Variants in KATNAL2 observed in about 807,000 individuals in gnomAD.
KATNAL2 encodes katanin catalytic subunit A1 like 2, also known as katanin p60 ATPase-containing subunit A-like 2.
A neutral mutation model predicts 76.3 loss-of-function variants in KATNAL2; 52 were observed. That is an observed-to-expected ratio of 0.68 (90% confidence interval 0.55 to 0.86). KATNAL2 has a LOEUF of 0.86. Ranked by LOEUF, KATNAL2 falls within the 40% of genes least tolerant of loss-of-function variation. The pLI is 0.00. For missense variants in KATNAL2, 660 were observed against 668.9 expected (o/e 0.99, Z 0.15); for synonymous variants, 243 against 244.2 (o/e 1.00, Z 0.05).
At chr18:46,932,606 G>A (rs916630598) in intron 1 of KATNAL2, among the ~76,000 whole-genome samples, 4 of 147,754 alleles carry the variant, frequency 2.7e-5, no homozygotes, top group Admixed American at 6.8e-5. Context: ...CCCAGGAGGC[G>A]GAGGTTGCAG....
chr18:46,953,418 G>T (rs116364848), intron 3 of KATNAL2, among the ~76,000 whole-genome samples: 1 of 152,150 alleles, frequency 6.6e-6, no homozygotes, highest in African/African-American at 2.4e-5. Context: ...GGCAGGCGGA[G>T]CGCTTGAGGC....
chr18:47,066,847 T>TTATA (rs56018747), intron 10 of KATNAL2, among the ~76,000 whole-genome samples, 174 bp from the exon 11 acceptor site: 2,117 of 29,230 alleles, frequency 0.072, 146 homozygotes, highest in Non-Finnish European at 0.089. Context: ...ATATATGTGT[T>TTATA]TATATATATA....
intron 4 of KATNAL2, among the ~76,000 whole-genome samples, chr18:47,049,947 G>A (rs1417232365): frequency 3.3e-5 from 5 of 152,142 alleles, no homozygotes; most frequent in Admixed American, 3.3e-4. Context: ...AGACATAGCT[G>A]GCCTTGAACT....
At chr18:47,078,955 A>T (rs944995567) in intron 15 of KATNAL2, among the ~76,000 whole-genome samples, 9 of 152,172 alleles carry the variant, frequency 5.9e-5, no homozygotes, top group Non-Finnish European at 1.5e-5. Flanking sequence ...CATCATTACA[A>T]CGTGCCTTAG....
At chr18:47,034,247 G>A in intron 3 of KATNAL2, 2 of 1,614,040 alleles carry the variant, frequency 1.2e-6, no homozygotes, top group South Asian at 1.1e-5. Context: ...TCGTTGGAAA[G>A]CTGCTCTTTC....
At chr18:47,092,906 A>C (rs1226868728) in intron 15 of KATNAL2, among the ~76,000 whole-genome samples, 2 of 152,172 alleles carry the variant, frequency 1.3e-5, no homozygotes, top group African/African-American at 2.4e-5. Flanking sequence ...CACATGTTGA[A>C]AATGTCTTTA....
intron 13 of KATNAL2, among the ~76,000 whole-genome samples, chr18:47,071,254 G>A (rs2061988097): frequency 1.3e-5 from 2 of 152,022 alleles, no homozygotes; most frequent in African/African-American, 2.4e-5. Context: ...CCCGCCTCGG[G>A]CTCCCAAAAT....
At chr18:47,032,705 C>G in intron 3 of KATNAL2, 1 of 465,954 alleles carries the variant, frequency 2.1e-6, no homozygotes, top group Non-Finnish European at 3.7e-6. Flanking sequence ...CATCTTTTTC[C>G]TTATTTATGA....
chr18:47,075,289 C>A lies in KATNAL2; in HGVS notation c.1021C>A (p.Leu341Ile). 6.4e-7 allele frequency: 1 copy of A among 1,556,880 alleles called. No homozygotes were observed. Among genetic ancestry groups the A allele is most frequent in the Non-Finnish European group, 8.6e-7 (1 of 1,157,562 alleles). ...TTCCCCCACCCAGGTGTTATTTGAG[C>A]TTGCCCGCTACCACGCCCCATCCAC... ...SEKLVRVLFE[L>I]ARYHAPSTIF... The change falls in exon 14 of 18, where the codon CTT becomes ATT. Residue 341 changes from leucine (L) to isoleucine (I), a missense_variant. Coordinates refer to ENST00000683218, the MANE Select transcript of KATNAL2 (RefSeq NM_001387690.1).
chr18:46,925,500 A>T (rs555043782), intron 1 of KATNAL2, among the ~76,000 whole-genome samples: 4 of 152,076 alleles, frequency 2.6e-5, no homozygotes, highest in African/African-American at 9.6e-5. Context: ...TTTATTGAGG[A>T]TTTTTGCATC....
Position 47,100,891 on chromosome 18 carries a change from G to A in KATNAL2, c.1503G>A (p.Gln501=). Residue 501 remains glutamine (Q), a synonymous_variant, in exon 18 of 18, where the codon CAG becomes CAA. Transcript: ENST00000683218. ...AAAGCAGCGACTTACCCAGGATCCA[G>A]TTGGATATAGTAACCACTGCCGACT... ...QSESSDLPRI[Q]LDIVTTADFL... is the part of the protein sequence containing the mutation. The A allele has an allele frequency of 6.2e-7, 1 of 1,614,168 alleles. No individual in the cohort carries two copies.
At chr18:46,955,140 C>CTCTTTCTTTTTCTTTCTTTCTTTCTT (rs1555834720) in intron 3 of KATNAL2, among the ~76,000 whole-genome samples, 1 of 85,020 alleles carries the variant, frequency 1.2e-5, no homozygotes, top group Non-Finnish European at 2.3e-5. Context: ...CTTTCTCTCT[C>CTCTTTCTTTTTCTTTCTTTCTTTCTT]TCTTTCTTTC....
intron 4 of KATNAL2, among the ~76,000 whole-genome samples, chr18:47,046,839 G>A (rs779769992): frequency 6.6e-6 from 1 of 152,096 alleles, no homozygotes; most frequent in Admixed American, 6.6e-5. Context: ...ATGCGTAATG[G>A]CCATGTATTT....
chr18:47,031,399 CTT>C (rs1367310177), intron 3 of KATNAL2, among the ~76,000 whole-genome samples: 1 of 150,466 alleles, frequency 6.6e-6, no homozygotes, highest in Non-Finnish European at 1.5e-5. Context: ...TCTCGTGTGA[CTT>C]TTTTTGTGTC....
chr18:46,961,898 G>A (rs1340568373), intron 3 of KATNAL2, among the ~76,000 whole-genome samples: 2 of 152,224 alleles, frequency 1.3e-5, no homozygotes, highest in South Asian at 2.1e-4. Flanking sequence ...GATTGAGAAT[G>A]TAGATGGGGG....
chr18:46,922,929 T>C (rs892826612), intron 1 of KATNAL2, among the ~76,000 whole-genome samples: 1 of 148,094 alleles, frequency 6.8e-6, no homozygotes, highest in Non-Finnish European at 1.5e-5. Context: ...TAATATTATA[T>C]ATGATATTGT....
chr18:46,946,664 C>A, intron 2 of KATNAL2, 118 bp downstream of exon 2: 1 of 1,092,778 alleles, frequency 9.2e-7, no homozygotes, highest in Non-Finnish European at 1.3e-6. Context: ...TGGCCAGTGT[C>A]ATGCAAACAC....
At chr18:46,953,433 G>A (rs1039750406) in intron 3 of KATNAL2, among the ~76,000 whole-genome samples, 1 of 152,262 alleles carries the variant, frequency 6.6e-6, no homozygotes, top group African/African-American at 2.4e-5. Context: ...TGAGGCCAGA[G>A]GTCGAGACCA....
intron 15 of KATNAL2, chr18:47,091,025 A>G (rs1015922607): frequency 5.9e-5 from 9 of 152,222 alleles, no homozygotes; most frequent in African/African-American, 2.2e-4. Flanking sequence ...GGTTTCTCTT[A>G]TGCTGATAAT....
Sources: allele counts gnomAD v4.1 joint callset (sites outside exome capture counted in the v4.1 genomes callset), GRCh38; gene constraint gnomAD v4.1.1; transcripts MANE v1.5; gene names NCBI Gene and HGNC (gene_info 2026-07-23, HGNC 2026-07-21).